CCNB3: variants seen among roughly 807,000 people sequenced by gnomAD.
CCNB3 encodes G2/mitotic-specific cyclin-B3.
A neutral mutation model predicts 68.0 loss-of-function variants in CCNB3; 12 were observed. That is an observed-to-expected ratio of 0.18 (90% confidence interval 0.11 to 0.29). The LOEUF is 0.29. Ranked by LOEUF, CCNB3 falls within the 10% of genes least tolerant of loss-of-function variation. The probability of loss-of-function intolerance (pLI) is 1.00; values close to 1 mark genes in which losing one functional copy is unlikely to be tolerated. For missense variants in CCNB3, 904 were observed against 993.1 expected (o/e 0.91, Z 1.21); for synonymous variants, 354 against 388.9 (o/e 0.91, Z 1.06).
chrX:50,332,950 T>C (rs1180179537), intron 8 of CCNB3, among the ~76,000 whole-genome samples: 1 of 112,020 alleles, frequency 8.9e-6, no homozygotes, highest in Non-Finnish European at 1.9e-5. Context: ...AGGAGGCCTA[T>C]GATACAGTAT....
intron 8 of CCNB3, among the ~76,000 whole-genome samples, chrX:50,340,227 C>T (rs1399804937): frequency 1.8e-5 from 2 of 111,726 alleles, no homozygotes; most frequent in Non-Finnish European, 3.8e-5. Context: ...GTAACCTATA[C>T]AAGGGGAGGT....
rs781924705 is a variant in CCNB3 at position 50,329,579 on chromosome X, C to T, written c.3517-12623C>T. Among the ~76,000 whole-genome samples, 552 of 112,762 alleles carry T rather than the reference C, an allele frequency of 4.9e-3. 1 individual carries two copies. The highest frequency in any genetic ancestry group is 8.7e-3 in the Non-Finnish European group (462 of 53,307). On this transcript the variant is annotated intron_variant, in intron 8 of 12. Coordinates refer to ENST00000376042, the MANE Select transcript of CCNB3 (RefSeq NM_033031.3). ...GAGTCTGCACATGGAAGCAGCCCCC[C>T]ACTCACCCTCCTAGGCCTCTGGGTC...
At chrX:50,299,055 C>G (rs1276961680) in intron 5 of CCNB3, among the ~76,000 whole-genome samples, 2 of 111,264 alleles carry the variant, frequency 1.8e-5, no homozygotes, top group Non-Finnish European at 3.8e-5. Flanking sequence ...AGCGGTCTAT[C>G]AATTTTGTTG....
intron 5 of CCNB3, among the ~76,000 whole-genome samples, chrX:50,295,381 G>A (rs1434415556): frequency 9.0e-6 from 1 of 111,157 alleles, no homozygotes; most frequent in Non-Finnish European, 1.9e-5. Context: ...GAAGCTTTAC[G>A]GGAGGTTTGT....
chrX:50,228,504 T>C (rs1935970925), intron 1 of CCNB3, among the ~76,000 whole-genome samples: 2 of 90,522 alleles, frequency 2.2e-5, no homozygotes, highest in African/African-American at 7.8e-5. Flanking sequence ...TATATCTACA[T>C]AGAATATGTA....
At position 50,227,168 on chromosome X, in the gene CCNB3, T is replaced by C. The variant is rs1420335573; in HGVS notation, c.-113+22218T>C. Among the ~76,000 whole-genome samples, 53 of 82,264 alleles carry C rather than the reference T, an allele frequency of 6.4e-4. 1 individual carries two copies. The highest frequency in any genetic ancestry group is 2.5e-3 in the African/African-American group (51 of 20,724). The allele number at this position is 82,264 out of a possible 115,157, so 71.4% of individuals were successfully genotyped here. ...ATATATACAATATATGTAGAATATA[T>C]ATATAGAATATAAGTATAAATATAT... On this transcript the variant is annotated intron_variant, in intron 1 of 12. Transcript: ENST00000376042.
chrX:50,324,282 A>T (rs1922185726), intron 8 of CCNB3, among the ~76,000 whole-genome samples: 1 of 111,763 alleles, frequency 8.9e-6, no homozygotes, highest in Non-Finnish European at 1.9e-5. Flanking sequence ...CTGAACCTCA[A>T]ATGATCCACC....
intron 1 of CCNB3, among the ~76,000 whole-genome samples, chrX:50,227,979 AATAT>A (rs1166543578): frequency 4.6e-5 from 4 of 86,676 alleles, no homozygotes; most frequent in Non-Finnish European, 8.5e-5. Flanking sequence ...ATATAGAGAG[AATAT>A]ATATAAATAT....
chrX:50,214,663 T>A (rs1935540125), intron 1 of CCNB3, among the ~76,000 whole-genome samples: 1 of 100,596 alleles, frequency 9.9e-6, no homozygotes, highest in Admixed American at 1.1e-4. Flanking sequence ...AAATATAATA[T>A]ATAATACAAT....
At chrX:50,211,976 T>C (rs1183006343) in intron 1 of CCNB3, among the ~76,000 whole-genome samples, 2 of 112,182 alleles carry the variant, frequency 1.8e-5, no homozygotes, top group Non-Finnish European at 3.8e-5. Flanking sequence ...GGCTCATGTG[T>C]TTACACACTC....
chrX:50,311,889 C>CAGA (rs1921482263), intron 6 of CCNB3, among the ~76,000 whole-genome samples: 1 of 110,523 alleles, frequency 9.0e-6, no homozygotes. Flanking sequence ...AGTATTTATT[C>CAGA]CAGTAATACC....
At chrX:50,279,270 A>C (rs1294075574) in intron 1 of CCNB3, among the ~76,000 whole-genome samples, 2 of 71,910 alleles carry the variant, frequency 2.8e-5, no homozygotes, top group African/African-American at 1.1e-4. Context: ...TATATAGAGA[A>C]TATATACATA....
chrX:50,320,603 A>G (rs1371542551), intron 8 of CCNB3, among the ~76,000 whole-genome samples: 1 of 109,411 alleles, frequency 9.1e-6, no homozygotes, highest in African/African-American at 3.3e-5. Context: ...TTATAATTTT[A>G]TAATTTTTAT....
chrX:50,318,618 T>C (rs1557216175), intron 8 of CCNB3, among the ~76,000 whole-genome samples: 1 of 112,217 alleles, frequency 8.9e-6, no homozygotes, highest in Admixed American at 9.5e-5. Flanking sequence ...TAAAAATATT[T>C]CTAGGAGTTT....
chrX:50,203,643 T>A (rs1471337959), upstream of CCNB3, among the ~76,000 whole-genome samples: 1 of 112,442 alleles, frequency 8.9e-6, no homozygotes, highest in Non-Finnish European at 1.9e-5. Flanking sequence ...GTCAAGTGTT[T>A]GTGTTTTGTC....
At chrX:50,345,813 G>A (rs971977192) in intron 9 of CCNB3, among the ~76,000 whole-genome samples, 3 of 112,194 alleles carry the variant, frequency 2.7e-5, no homozygotes, top group Non-Finnish European at 5.6e-5. Context: ...AGCTTGCCGT[G>A]TGAACCTGAG....
intron 1 of CCNB3, among the ~76,000 whole-genome samples, chrX:50,281,270 T>G (rs1936131409): frequency 9.0e-6 from 1 of 111,580 alleles, no homozygotes; most frequent in African/African-American, 3.3e-5. Flanking sequence ...ACCACTGCAC[T>G]TCATGACGGC....
chrX:50,279,125 TA>T (rs1288811371), intron 1 of CCNB3, among the ~76,000 whole-genome samples: 1 of 62,171 alleles, frequency 1.6e-5, no homozygotes, highest in Non-Finnish European at 2.6e-5. Flanking sequence ...ATATAGAATA[TA>T]TTATATTCAT....
chrX:50,282,996 A>G (rs987165343), intron 1 of CCNB3, among the ~76,000 whole-genome samples: 3 of 111,347 alleles, frequency 2.7e-5, no homozygotes, highest in Non-Finnish European at 5.6e-5. Flanking sequence ...TGCTTGGCTG[A>G]GGTTTGAGGA....
Sources: allele counts gnomAD v4.1 joint callset (sites outside exome capture counted in the v4.1 genomes callset), GRCh38; gene constraint gnomAD v4.1.1; transcripts MANE v1.5; gene names NCBI Gene and HGNC (gene_info 2026-07-23, HGNC 2026-07-21).